The following AMOTL1 variants were observed in gnomAD, a reference collection of about 807,000 sequenced individuals.
AMOTL1 encodes the protein angiomotin like 1.
A neutral mutation model predicts 102.9 loss-of-function variants in AMOTL1; 45 were observed. The observed-to-expected ratio is 0.44, with a 90% CI of 0.34 to 0.56. The LOEUF is 0.56. Among genes scored for constraint, AMOTL1 ranks in the 20% least tolerant of loss-of-function variants. AMOTL1 has a pLI of 0.01. For missense variants in AMOTL1, 1,114 were observed against 1,225.6 expected (o/e 0.91, Z 1.36); for synonymous variants, 481 against 484.7 (o/e 0.99, Z 0.10).
At chr11:94,803,131 T>C (rs1449907981) in intron 3 of AMOTL1, among the ~76,000 whole-genome samples, 1 of 152,192 alleles carries the variant, frequency 6.6e-6, no homozygotes, top group East Asian at 1.9e-4. Context: ...GTCCAACCCA[T>C]TACATTGTTG....
Position 94,799,166 on chromosome 11 carries a change from G to GT in AMOTL1, c.200-221dup, listed in dbSNP as rs1192238785. Reference sequence around the variant, plus strand: ...GGGAGGGGTTGAAGGATGGAACAATGTTTAAGAGGAAGCAGAGGAGAGGGA... The same window carrying GT: ...GGGAGGGGTTGAAGGATGGAACAATGTTTTAAGAGGAAGCAGAGGAGAGGGA... On this transcript the variant is annotated intron_variant, in intron 2 of 12. Coordinates refer to ENST00000433060, the MANE Select transcript of AMOTL1 (RefSeq NM_130847.3). This position sits in a 1 kb window ranked among gnomAD's most constrained non-coding sequence, Gnocchi z 4.5. 1.3e-5 allele frequency among the ~76,000 whole-genome samples: 2 copies of GT among 152,140 alleles called. No individual in the cohort carries two copies. The highest frequency in any genetic ancestry group is 1.5e-5 in the Non-Finnish European group (1 of 68,024).
intron 7 of AMOTL1, among the ~76,000 whole-genome samples, chr11:94,851,900 C>A (rs1952547589): frequency 6.6e-6 from 1 of 152,174 alleles, no homozygotes; most frequent in African/African-American, 2.4e-5. Flanking sequence ...AAGCTTCTTG[C>A]AATTGCTTAA....
chr11:94,868,161 AT>A (rs766265105), intron 11 of AMOTL1, among the ~76,000 whole-genome samples: 13 of 152,218 alleles, frequency 8.5e-5, no homozygotes, highest in Non-Finnish European at 1.8e-4. Context: ...TGTTATGCAC[AT>A]TGCATTTTGA....
At chr11:94,769,502 G>C (rs1378152437) in intron 1 of AMOTL1, among the ~76,000 whole-genome samples, 1 of 152,202 alleles carries the variant, frequency 6.6e-6, no homozygotes, top group Admixed American at 6.5e-5. Flanking sequence ...CGAGAATCCC[G>C]GGTATCTGCG....
At chr11:94,756,821 A>G (rs1427142490) in intron 3 of AMOTL1, among the ~76,000 whole-genome samples, 1 of 152,198 alleles carries the variant, frequency 6.6e-6, no homozygotes, top group African/African-American at 2.4e-5. Context: ...AAAATTTGGC[A>G]CTGAGACATG....
chr11:94,731,745 C>G (rs905742016), intron 2 of AMOTL1, among the ~76,000 whole-genome samples: 4 of 152,146 alleles, frequency 2.6e-5, no homozygotes, highest in Non-Finnish European at 2.9e-5. Context: ...ATTCAGCTCA[C>G]AAATGGCAGA....
chr11:94,773,987 A>T (rs892121606), intron 1 of AMOTL1, among the ~76,000 whole-genome samples: 1 of 152,190 alleles, frequency 6.6e-6, no homozygotes, highest in African/African-American at 2.4e-5. Context: ...AAGCCTCATG[A>T]GTAAAATGGG....
intron 1 of AMOTL1, among the ~76,000 whole-genome samples, chr11:94,787,619 C>A (rs1319169618): frequency 7.9e-6 from 1 of 127,038 alleles, no homozygotes; most frequent in African/African-American, 3.0e-5. Context: ...ACCCGGGAGG[C>A]GGAGCTTGCA....
At chr11:94,870,390 C>A (rs1475811160) in intron 12 of AMOTL1, among the ~76,000 whole-genome samples, 4 of 152,214 alleles carry the variant, frequency 2.6e-5, no homozygotes, top group African/African-American at 9.7e-5. Flanking sequence ...TCAAAAGTGC[C>A]TAGCTCAGAA....
At position 94,875,761 on chromosome 11, in the gene AMOTL1, A is replaced by T. The variant is rs550776615; in HGVS notation, c.*4966A>T. 2.0e-5 allele frequency: 3 copies of T among 152,330 alleles called. No homozygotes were observed. Among genetic ancestry groups the T allele is most frequent in the African/African-American group, 7.2e-5 (3 of 41,580 alleles). The allele number at this position is 152,330 out of a possible 1,614,324, so 9.4% of individuals were successfully genotyped here. ...AATCCCTAAGAAATTTCTTGGAATG[A>T]GTCTTTGGCCTCAGAGCCTCTCAAA... is the stretch of plus-strand genomic sequence containing the variant. On this transcript the variant is annotated 3_prime_UTR_variant, in exon 13 of 13. Transcript: ENST00000433060.
intron 1 of AMOTL1, among the ~76,000 whole-genome samples, chr11:94,708,642 T>C (rs1413198797): frequency 6.6e-6 from 1 of 152,186 alleles, no homozygotes; most frequent in East Asian, 1.9e-4. Flanking sequence ...TTATAATCTC[T>C]AACCACCACC....
At chr11:94,856,944 C>T (rs1296422963) in intron 8 of AMOTL1, among the ~76,000 whole-genome samples, 4 of 152,166 alleles carry the variant, frequency 2.6e-5, no homozygotes, top group Admixed American at 6.5e-5. Flanking sequence ...AACACAGAGC[C>T]CTTGAGCAGC....
chr11:94,725,620 G>C (rs972498994), intron 1 of AMOTL1, among the ~76,000 whole-genome samples: 6 of 152,226 alleles, frequency 3.9e-5, no homozygotes, highest in African/African-American at 1.4e-4. Context: ...AATGAGGTAA[G>C]CACAGGGAGC....
rs551220386 is a variant in AMOTL1, at chr11:94,840,654, GTATATATA to G, written c.1648+9134_1648+9141del. On this transcript the variant is annotated intron_variant, in intron 6 of 12. Coordinates refer to ENST00000433060, the MANE Select transcript of AMOTL1 (RefSeq NM_130847.3). ...CATTCAGAGGGGCCACTTAAAAAAC[GTATATATA>G]TATATATATATATATATATACACAC... 3.5e-3 allele frequency among the ~76,000 whole-genome samples: 393 copies of G among 111,282 alleles called. 1 individual carries two copies. The highest frequency in any genetic ancestry group is 5.2e-3 in the Non-Finnish European group (299 of 57,370). The allele number at this position is 111,282 out of a possible 152,430, so 73.0% of individuals were successfully genotyped here. A position where few individuals can be genotyped will look rare whatever the true frequency, so the allele number is the denominator to read the frequency against.
intron 1 of AMOTL1, among the ~76,000 whole-genome samples, chr11:94,714,229 A>T (rs1950061675): frequency 1.3e-5 from 2 of 152,076 alleles, no homozygotes; most frequent in African/African-American, 2.4e-5. Context: ...TAGCTGAAAT[A>T]AATCTCATTT....
At chr11:94,797,869 A>C (rs996824595) in intron 2 of AMOTL1, among the ~76,000 whole-genome samples, 2 of 152,218 alleles carry the variant, frequency 1.3e-5, no homozygotes, top group East Asian at 1.9e-4. Context: ...ACACCATATG[A>C]TAGAATATCA....
chr11:94,816,344 C>A (rs996928115), intron 3 of AMOTL1, among the ~76,000 whole-genome samples: 3 of 152,098 alleles, frequency 2.0e-5, no homozygotes, highest in Non-Finnish European at 4.4e-5. Flanking sequence ...GTGCTCTTGG[C>A]TTTAGATGGT....
chr11:94,828,531 GC>G (rs1187330950), intron 4 of AMOTL1, among the ~76,000 whole-genome samples: 3 of 151,850 alleles, frequency 2.0e-5, no homozygotes. Flanking sequence ...CTTCCTTCTG[GC>G]CCTACCTCCT....
chr11:94,714,468 T>C (rs1950066581), intron 1 of AMOTL1, among the ~76,000 whole-genome samples: 1 of 152,138 alleles, frequency 6.6e-6, no homozygotes, highest in South Asian at 2.1e-4. Flanking sequence ...GTTAATTCTT[T>C]AAATGCTTGG....
Sources: allele counts gnomAD v4.1 joint callset (sites outside exome capture counted in the v4.1 genomes callset), GRCh38; gene constraint gnomAD v4.1.1; non-coding constraint Gnocchi (gnomAD v3.1); transcripts MANE v1.5; gene names NCBI Gene and HGNC (gene_info 2026-07-23, HGNC 2026-07-21).